EPB41L3: variants seen among roughly 807,000 people sequenced by gnomAD.
EPB41L3 encodes the protein band 4.1-like protein 3.
Under a neutral mutation model 127.1 loss-of-function variants are expected in EPB41L3, and 57 were observed. That is an observed-to-expected ratio of 0.45 (90% CI 0.36 to 0.56). EPB41L3 has a LOEUF of 0.56. EPB41L3 is among the 20% of genes least tolerant of loss of function. The pLI is 0.00. For synonymous variants in EPB41L3, 572 were observed against 549.5 expected (o/e 1.04, Z -0.57); for missense variants, 1,273 against 1,372.2 (o/e 0.93, Z 1.14).
At chr18:5,459,622 G>T (rs2083639697) in intron 3 of EPB41L3, among the ~76,000 whole-genome samples, 2 of 152,076 alleles carry the variant, frequency 1.3e-5, no homozygotes, top group Admixed American at 1.3e-4. Context: ...TTCTTAATCT[G>T]TATCTACTGA....
At position 5,538,013 on chromosome 18, in the gene EPB41L3, CTGATTA is replaced by C. The variant is rs570563957; in HGVS notation, c.-12+5894_-12+5899del. ...ACCATATTTCATAAGATTCATGACA[CTGATTA>C]TAAGAGATAACATCATGTTGTATAG... On this transcript the variant is annotated intron_variant, in intron 1 of 22. Transcript: ENST00000341928. Among the ~76,000 whole-genome samples, 855 of 152,290 alleles carry C rather than the reference CTGATTA, an allele frequency of 5.6e-3. 24 individuals are homozygous for C. In the South Asian group the frequency reaches 0.088, roughly 16 times the overall value.
chr18:5,560,325 C>G (rs373889253), intron 3 of EPB41L3, among the ~76,000 whole-genome samples: 4 of 152,132 alleles, frequency 2.6e-5, no homozygotes, highest in Admixed American at 6.5e-5. Context: ...TGACACTAAT[C>G]TAGATTCAGC....
At chr18:5,630,211 C>A (rs1443455362), upstream of EPB41L3, among the ~76,000 whole-genome samples, 1 of 152,184 alleles carries the variant, frequency 6.6e-6, no homozygotes, top group South Asian at 2.1e-4. Flanking sequence ...CGCCTCCGGG[C>A]GGACCCGGCC....
chr18:5,433,571 A>C lies in EPB41L3; in HGVS notation c.825-15T>G, dbSNP rs2272130. The C allele has an allele frequency of 0.7, 1,117,920 of 1,602,404 alleles. 399,862 individuals are homozygous for C. Among genetic ancestry groups the C allele is most frequent in the Non-Finnish European group, 0.74 (870,482 of 1,173,670 alleles). On this transcript the variant is annotated splice_polypyrimidine_tract_variant and intron_variant, in intron 7 of 22. Coordinates refer to ENST00000341928, the MANE Select transcript of EPB41L3 (RefSeq NM_012307.5). Reference sequence around the variant, plus strand: ...GCGTCATTCCTCTGATGAGAAGAAAAATATGTTACAATGATGCTTTTCCCT... The same window carrying C: ...GCGTCATTCCTCTGATGAGAAGAAACATATGTTACAATGATGCTTTTCCCT...
intron 3 of EPB41L3, among the ~76,000 whole-genome samples, chr18:5,606,765 C>T (rs904564037): frequency 5.3e-5 from 8 of 152,128 alleles, no homozygotes; most frequent in Admixed American, 1.3e-4. Flanking sequence ...ACAAGTACTA[C>T]AGAAGCTCTT....
intron 3 of EPB41L3, among the ~76,000 whole-genome samples, chr18:5,575,153 C>A (rs2094324910): frequency 6.6e-6 from 1 of 152,130 alleles, no homozygotes; most frequent in South Asian, 2.1e-4. Flanking sequence ...GTTCTTAGTT[C>A]CCTGTTTGTT....
Position 5,407,686 on chromosome 18 carries a change from T to C in EPB41L3, c.2157+15A>G. 1 of 1,613,630 alleles carries C rather than the reference T, an allele frequency of 6.2e-7. No individual in the cohort carries two copies. The highest frequency in any genetic ancestry group is 1.3e-5 in the African/African-American group (1 of 75,056). On this transcript the variant is annotated intron_variant, in intron 15 of 22. Coordinates refer to ENST00000341928, the MANE Select transcript of EPB41L3 (RefSeq NM_012307.5). ...TTTGTTGTTGTTGTTGTTTGTTTTA[T>C]TTTTAATTTTCTACCTGTGCCTTGA...
At chr18:5,621,937 A>G (rs1055420377) in intron 1 of EPB41L3, among the ~76,000 whole-genome samples, 1 of 152,330 alleles carries the variant, frequency 6.6e-6, no homozygotes, top group Admixed American at 6.5e-5. Flanking sequence ...TTCTGCTTGA[A>G]TGATACAGAT....
chr18:5,499,824 T>C (rs2091564502), intron 1 of EPB41L3, among the ~76,000 whole-genome samples: 1 of 144,950 alleles, frequency 6.9e-6, no homozygotes. Context: ...ACTTACTATG[T>C]GTGTGTATAT....
At chr18:5,533,943 T>C (rs903954749) in intron 1 of EPB41L3, among the ~76,000 whole-genome samples, 1 of 152,252 alleles carries the variant, frequency 6.6e-6, no homozygotes, top group African/African-American at 2.4e-5. Context: ...GATGGGCAGA[T>C]CGCAAAGTCA....
intron 3 of EPB41L3, among the ~76,000 whole-genome samples, chr18:5,457,973 T>G (rs1368925988): frequency 6.6e-6 from 1 of 152,204 alleles, no homozygotes; most frequent in Non-Finnish European, 1.5e-5. Flanking sequence ...GTAGCCTACC[T>G]GTAAGCTATA....
chr18:5,551,797 C>G (rs1227783693), intron 3 of EPB41L3, among the ~76,000 whole-genome samples: 1 of 152,144 alleles, frequency 6.6e-6, no homozygotes, highest in Non-Finnish European at 1.5e-5. Flanking sequence ...ATACAATTCT[C>G]TCTGTTTCGT....
intron 1 of EPB41L3, among the ~76,000 whole-genome samples, chr18:5,508,795 A>G (rs1249332639): frequency 6.7e-6 from 1 of 150,200 alleles, no homozygotes; most frequent in Non-Finnish European, 1.5e-5. Context: ...AAAAGAATCT[A>G]GTAAGAATAC....
At chr18:5,578,123 A>G (rs1616117) in intron 3 of EPB41L3, among the ~76,000 whole-genome samples, 57,722 of 151,910 alleles carry the variant, frequency 0.38, 11,932 homozygotes, top group Non-Finnish European at 0.47. Context: ...GCGGGGTGGG[A>G]CAGGGCCCAG....
chr18:5,514,353 C>T (rs1456840562), intron 1 of EPB41L3, among the ~76,000 whole-genome samples: 1 of 152,158 alleles, frequency 6.6e-6, no homozygotes, highest in African/African-American at 2.4e-5. Context: ...TGTTCTCCAA[C>T]ATTTTATATG....
intron 3 of EPB41L3, among the ~76,000 whole-genome samples, chr18:5,450,443 C>G (rs2082137757): frequency 8.0e-6 from 1 of 124,858 alleles, no homozygotes; most frequent in African/African-American, 3.0e-5. Flanking sequence ...TAAGAAATAG[C>G]AAAAAATAAA....
rs896880047 is a variant in EPB41L3, at chr18:5,558,573, G to A, written c.-306+53767C>T. Among the ~76,000 whole-genome samples, 9 of 152,190 alleles carry A rather than the reference G, an allele frequency of 5.9e-5. No homozygotes were observed. The East Asian group carries it at 1.5e-3, about 26-fold the overall frequency. On this transcript the variant is annotated intron_variant, in intron 3 of 21. Coordinates refer to the EPB41L3 transcript ENST00000545076. ...GGTATGTAGAAGGTGCATGGTCTGGGTGTTAAGAGATGAGCCTGGTCAGTC... is the reference window on the plus strand; with the variant it reads ...GGTATGTAGAAGGTGCATGGTCTGGATGTTAAGAGATGAGCCTGGTCAGTC...
intron 2 of EPB41L3, 57 bp from the exon 3 acceptor site, chr18:5,478,495 T>TG: frequency 5.2e-6 from 8 of 1,553,362 alleles, no homozygotes; most frequent in South Asian, 1.1e-5. Flanking sequence ...AAATATTGCA[T>TG]TGCTCATGCA....
chr18:5,625,952 T>C lies in EPB41L3; in HGVS notation c.-468+2970A>G, dbSNP rs185099083. Among the ~76,000 whole-genome samples, 275 of 152,288 alleles carry C rather than the reference T, an allele frequency of 1.8e-3. 2 individuals are homozygous for C. The highest frequency in any genetic ancestry group is 3.4e-3 in the Middle Eastern group (1 of 294). ...ATGTAAGTTCTACCATGCTTTTTTT[T>C]TTTTGTCCATTCATGTCTTTTCTCC... On this transcript the variant is annotated intron_variant, in intron 1 of 21. Transcript: ENST00000545076.
Sources: gnomAD v4.1 joint callset for allele counts (sites outside exome capture counted in the v4.1 genomes callset) on GRCh38, gnomAD v4.1.1 for gene constraint, MANE v1.5 for transcripts, NCBI Gene and HGNC (gene_info 2026-07-23, HGNC 2026-07-21) for gene names.